B3GNT7: variants seen among roughly 807,000 people sequenced by gnomAD.
B3GNT7 encodes the protein UDP-GlcNAc:betaGal beta-1,3-N-acetylglucosaminyltransferase 7, also known as BGnT-7.
A neutral mutation model predicts 5.1 loss-of-function variants in B3GNT7; 9 were observed. The ratio of observed to expected loss-of-function variants is 1.77; its 90% CI spans 1.07 to 3.09. B3GNT7 has a LOEUF of 3.09. Ranked by LOEUF, B3GNT7 falls within the 30% of genes most tolerant of loss-of-function variation. The pLI is 0.00. For synonymous variants in B3GNT7, 253 were observed against 248.6 expected (o/e 1.02, Z -0.17); for missense variants, 468 against 550.8 (o/e 0.85, Z 1.50).
At position 231,399,141 on chromosome 2, in the gene B3GNT7, G is replaced by C; in HGVS notation, c.*216G>C. 1 of 580,426 alleles carries C rather than the reference G, an allele frequency of 1.7e-6. No individual in the cohort carries two copies. Among genetic ancestry groups the C allele is most frequent in the Non-Finnish European group, 3.0e-6 (1 of 328,248 alleles). The allele number at this position is 580,426 out of a possible 1,614,324, so 36.0% of individuals were successfully genotyped here. Reference sequence around the variant, plus strand: ...AAACTGAGGCCCAGGAACGGTTGGAGCTGCCCAGTCTGGAGGCCCTCTCTG... The same window carrying C: ...AAACTGAGGCCCAGGAACGGTTGGACCTGCCCAGTCTGGAGGCCCTCTCTG... On this transcript the variant is annotated 3_prime_UTR_variant, in exon 2 of 2. Coordinates refer to ENST00000287590, the MANE Select transcript of B3GNT7 (RefSeq NM_145236.3).
intron 1 of B3GNT7, among the ~76,000 whole-genome samples, chr2:231,396,801 C>G (rs1490737512): frequency 6.6e-6 from 1 of 151,944 alleles, no homozygotes; most frequent in Non-Finnish European, 1.5e-5. Flanking sequence ...TCCTTCAGGA[C>G]AGGGGCTCAG....
intron 1 of B3GNT7, chr2:231,397,275 G>A (rs2125612994): frequency 4.0e-6 from 4 of 989,314 alleles, no homozygotes; most frequent in Non-Finnish European, 4.8e-6. Flanking sequence ...TACTGCTGTG[G>A]GTAGGTACAC....
In B3GNT7 at chr2:231,395,933, C is replaced by T. The variant is rs1033838290; in HGVS notation, c.11+119C>T. Reference sequence around the variant, plus strand: ...GGGATAGGAGATGCCCCCGCGCGCGCCGCGCCGGCCTCAGTTTCCCGGGGG... The same window carrying T: ...GGGATAGGAGATGCCCCCGCGCGCGTCGCGCCGGCCTCAGTTTCCCGGGGG... On this transcript the variant is annotated intron_variant, in intron 1 of 1. Coordinates refer to ENST00000287590, the MANE Select transcript of B3GNT7 (RefSeq NM_145236.3). This position sits in a 1 kb window ranked among gnomAD's most constrained non-coding sequence, Gnocchi z 7.3. 368 of 663,444 alleles carry T rather than the reference C, an allele frequency of 5.5e-4. 3 individuals are homozygous for T. In the African/African-American group the frequency reaches 6.3e-3, roughly 11 times the overall value. 41.1% of individuals were successfully genotyped at this position (663,444 alleles called of 1,614,324 possible). A position where few individuals can be genotyped will look rare whatever the true frequency, so the allele number is the denominator to read the frequency against.
chr2:231,395,920 GC>G lies in B3GNT7; in HGVS notation c.11+111del. 1 of 758,142 alleles carries G rather than the reference GC, an allele frequency of 1.3e-6. No individual in the cohort carries two copies. Among genetic ancestry groups the G allele is most frequent in the Non-Finnish European group, 1.7e-6 (1 of 586,892 alleles). 47.0% of individuals were successfully genotyped at this position (758,142 alleles called of 1,614,324 possible). On this transcript the variant is annotated intron_variant, in intron 1 of 1. Transcript: ENST00000287590. This position sits in a 1 kb window ranked among gnomAD's most constrained non-coding sequence, Gnocchi z 7.3. ...CGCCGGGACTCCCGGGATAGGAGAT[GC>G]CCCCGCGCGCGCCGCGCCGGCCTCA...
At position 231,398,332 on chromosome 2, in the gene B3GNT7, C is replaced by T. The variant is rs1479181667; in HGVS notation, c.613C>T (p.Gln205Ter). ...AGACCGCCTCTACGGCGACATCCTG[C>T]AGTGGGGCTTTCTCGACACCTTCTT... ...YEDRLYGDIL[Q>*]WGFLDTFFNL... Residue 205 changes from glutamine to a stop codon, truncating the protein, a stop_gained, in exon 2 of 2, where the codon CAG becomes TAG. Transcript: ENST00000287590. LOFTEE classifies it low-confidence loss of function (END_TRUNC). 1 of 1,613,396 alleles carries T rather than the reference C, an allele frequency of 6.2e-7. No homozygotes were observed. Among genetic ancestry groups the T allele is most frequent in the Non-Finnish European group, 8.5e-7 (1 of 1,179,906 alleles).
At position 231,398,013 on chromosome 2, in the gene B3GNT7, G is replaced by C. The variant is rs746003805; in HGVS notation, c.294G>C (p.Gln98His). 6.2e-7 allele frequency: 1 copy of C among 1,610,342 alleles called. No homozygotes were observed. The highest frequency in any genetic ancestry group is 8.5e-7 in the Non-Finnish European group (1 of 1,179,874). The change falls in exon 2 of 2, where the codon CAG becomes CAC. Residue 98 changes from glutamine (Q) to histidine (H), a missense_variant. Physicochemically the swap from Gln to His is conservative, Grantham distance 24. Coordinates refer to ENST00000287590, the MANE Select transcript of B3GNT7 (RefSeq NM_145236.3). ...CAGCCAATATCAACTTGACCCACCAGCCCTGGTTCCAGGTCCTGGAGCCGC... is the reference window on the plus strand; with the variant it reads ...CAGCCAATATCAACTTGACCCACCACCCCTGGTTCCAGGTCCTGGAGCCGC... The part of the protein sequence containing the change: ...NCSANINLTH[Q>H]PWFQVLEPQF...
intron 1 of B3GNT7, chr2:231,397,419 A>T: frequency 2.5e-6 from 1 of 407,680 alleles, no homozygotes; most frequent in Non-Finnish European, 3.9e-6. Context: ...ATAGCACTCC[A>T]ATCCTGTGTT....
chr2:231,397,038 T>C (rs1250029488), intron 1 of B3GNT7: 1 of 194,046 alleles, frequency 5.2e-6, no homozygotes, highest in African/African-American at 2.4e-5. Context: ...GGCAGTGCCA[T>C]GCTAGAGGTG....
At chr2:231,396,186 C>T (rs1210663495) in intron 1 of B3GNT7, among the ~76,000 whole-genome samples, 2 of 152,080 alleles carry the variant, frequency 1.3e-5, no homozygotes, top group Non-Finnish European at 2.9e-5. Flanking sequence ...GGCCACTCTC[C>T]TCCTCTCGGG....
In B3GNT7 at chr2:231,399,763, C is replaced by G. The variant is rs1167405773; in HGVS notation, c.*838C>G. On this transcript the variant is annotated 3_prime_UTR_variant, in exon 2 of 2. Transcript: ENST00000287590. ...CGGTTTGGCCCTGGAAGTGGACATTCCTCTATTACTGTGAAGTTTTATTTA... is the reference window on the plus strand; with the variant it reads ...CGGTTTGGCCCTGGAAGTGGACATTGCTCTATTACTGTGAAGTTTTATTTA... 1 of 152,216 alleles carries G rather than the reference C, an allele frequency of 6.6e-6. No individual in the cohort carries two copies. Among genetic ancestry groups the G allele is most frequent in the Non-Finnish European group, 1.5e-5 (1 of 68,088 alleles). The allele number at this position is 152,216 out of a possible 1,614,324, so 9.4% of individuals were successfully genotyped here.
In B3GNT7 at chr2:231,398,312, G is replaced by A. The variant is rs1404927529; in HGVS notation, c.593G>A (p.Arg198His). 6.8e-6 allele frequency: 11 copies of A among 1,613,226 alleles called. No individual in the cohort carries two copies. The highest frequency in any genetic ancestry group is 1.3e-5 in the African/African-American group (1 of 74,928). Residue 198 changes from arginine (R) to histidine (H), a missense_variant, in exon 2 of 2, where the codon CGC becomes CAC. By Grantham distance (29) the Arg-to-His change is conservative. Transcript: ENST00000287590. Reference sequence around the variant, plus strand: ...CAGCAGCTGCTGGCCTACGAAGACCGCCTCTACGGCGACATCCTGCAGTGG... The same window carrying A: ...CAGCAGCTGCTGGCCTACGAAGACCACCTCTACGGCGACATCCTGCAGTGG... ...HYQQLLAYED[R>H]LYGDILQWGF...
rs777200071 is a variant in B3GNT7 at position 231,398,651 on chromosome 2, G to C, written c.932G>C (p.Arg311Pro). 4 of 1,611,922 alleles carry C rather than the reference G, an allele frequency of 2.5e-6. No individual in the cohort carries two copies. Among genetic ancestry groups the C allele is most frequent in the Non-Finnish European group, 3.4e-6 (4 of 1,179,588 alleles). Residue 311 changes from arginine to proline, a missense_variant, in exon 2 of 2, where the codon CGG (arginine) becomes CCG (proline). Physicochemically the swap from Arg to Pro is moderately radical, Grantham distance 103 (BLOSUM62 -2). Coordinates refer to ENST00000287590, the MANE Select transcript of B3GNT7 (RefSeq NM_145236.3). ...GGFLMAGSLA[R>P]RLHHACDTLE... ...TTCCTCATGGCCGGCAGCCTGGCCC[G>C]GCGCCTGCACCATGCCTGCGACACC...
In B3GNT7 at chr2:231,398,639, G is replaced by A; in HGVS notation, c.920G>A (p.Gly307Asp). 1 of 1,611,996 alleles carries A rather than the reference G, an allele frequency of 6.2e-7. No individual in the cohort carries two copies. Among genetic ancestry groups the A allele is most frequent in the Non-Finnish European group, 8.5e-7 (1 of 1,179,600 alleles). Residue 307 changes from glycine to aspartate, a missense_variant, in exon 2 of 2, where the codon GGC becomes GAC. Coordinates refer to ENST00000287590, the MANE Select transcript of B3GNT7 (RefSeq NM_145236.3). ...YAGGGGFLMAGSLARRLHHAC... is the reference protein window; with the variant it reads ...YAGGGGFLMADSLARRLHHAC... ...GGCGGCGGTGGCTTCCTCATGGCCG[G>A]CAGCCTGGCCCGGCGCCTGCACCAT...
Position 231,398,186 on chromosome 2 carries a change from C to G in B3GNT7, c.467C>G (p.Thr156Ser), listed in dbSNP as rs1334298118. The G allele has an allele frequency of 6.3e-7, 1 of 1,591,246 alleles. No individual in the cohort carries two copies. The highest frequency in any genetic ancestry group is 1.7e-5 in the Admixed American group (1 of 58,016). The change falls in exon 2 of 2, where the codon ACC becomes AGC. Residue 156 changes from threonine (T) to serine (S), a missense_variant. Physicochemically the swap from Thr to Ser is moderately conservative, Grantham distance 58. Coordinates refer to ENST00000287590, the MANE Select transcript of B3GNT7 (RefSeq NM_145236.3). ...QHDRREAIRQTWGRERQSAGG... is the reference protein window; with the variant it reads ...QHDRREAIRQSWGRERQSAGG... Reference sequence around the variant, plus strand: ...GACCGCCGCGAGGCCATCCGCCAGACCTGGGGCCGCGAGCGGCAGTCCGCG... The same window carrying G: ...GACCGCCGCGAGGCCATCCGCCAGAGCTGGGGCCGCGAGCGGCAGTCCGCG...
rs1381788232 is a variant in B3GNT7 at position 231,395,817 on chromosome 2, G to A, written c.11+3G>A. The A allele has an allele frequency of 8.6e-7, 1 of 1,168,388 alleles. No homozygotes were observed. Among genetic ancestry groups the A allele is most frequent in the African/African-American group, 1.6e-5 (1 of 61,816 alleles). The allele number at this position is 1,168,388 out of a possible 1,614,324, so 72.4% of individuals were successfully genotyped here. A position where few individuals can be genotyped will look rare whatever the true frequency, so the allele number is the denominator to read the frequency against. On this transcript the variant is annotated splice_donor_region_variant and intron_variant, in intron 1 of 1. Coordinates refer to ENST00000287590, the MANE Select transcript of B3GNT7 (RefSeq NM_145236.3). This position sits in a 1 kb window ranked among gnomAD's most constrained non-coding sequence, Gnocchi z 7.3. Reference sequence around the variant, plus strand: ...GCCCGGGCCGCCATGTCGCTGTGGTGAGTGGGGCTGGGGGCCGTCGGGGGC... The same window carrying A: ...GCCCGGGCCGCCATGTCGCTGTGGTAAGTGGGGCTGGGGGCCGTCGGGGGC...
rs2046550411 is a variant in B3GNT7 at position 231,400,032 on chromosome 2, A to G, written c.*1107A>G. On this transcript the variant is annotated 3_prime_UTR_variant, in exon 2 of 2. Transcript: ENST00000287590. ...TGGGTGCAGAAGGTTGCCACCTCCT[A>G]CCTCAGCGGGAGTCACCTAGGAAAG... is the stretch of plus-strand genomic sequence containing the variant. 7.0e-6 allele frequency: 1 copy of G among 143,614 alleles called. No homozygotes were observed. Among genetic ancestry groups the G allele is most frequent in the South Asian group, 2.2e-4 (1 of 4,578 alleles). 8.9% of individuals were successfully genotyped at this position (143,614 alleles called of 1,614,324 possible).
At position 231,399,788 on chromosome 2, in the gene B3GNT7, A is replaced by G. The variant is rs966141931; in HGVS notation, c.*863A>G. 3 of 152,018 alleles carry G rather than the reference A, an allele frequency of 2.0e-5. No individual in the cohort carries two copies. Among genetic ancestry groups the G allele is most frequent in the Non-Finnish European group, 2.9e-5 (2 of 68,032 alleles). The allele number at this position is 152,018 out of a possible 1,614,324, so 9.4% of individuals were successfully genotyped here. ...CCTCTATTACTGTGAAGTTTTATTTATGAAGAATTTGGAGGGAGAAGGCTC... is the reference window on the plus strand; with the variant it reads ...CCTCTATTACTGTGAAGTTTTATTTGTGAAGAATTTGGAGGGAGAAGGCTC... On this transcript the variant is annotated 3_prime_UTR_variant, in exon 2 of 2. Coordinates refer to ENST00000287590, the MANE Select transcript of B3GNT7 (RefSeq NM_145236.3).
rs2046531366 is a variant in B3GNT7 at position 231,398,070 on chromosome 2, C to T, written c.351C>T (p.Cys117=). 1.2e-6 allele frequency: 2 copies of T among 1,611,638 alleles called. No homozygotes were observed. Among genetic ancestry groups the T allele is most frequent in the Non-Finnish European group, 1.7e-6 (2 of 1,179,876 alleles). The change falls in exon 2 of 2, where the codon TGC becomes TGT. Residue 117 remains cysteine (C), a synonymous_variant. Transcript: ENST00000287590. ...QFRQFLFYRH[C]RYFPMLLNHP... ...GGCAGTTTCTCTTCTACCGCCACTGCCGCTACTTCCCCATGCTGCTGAACC... is the reference window on the plus strand; with the variant it reads ...GGCAGTTTCTCTTCTACCGCCACTGTCGCTACTTCCCCATGCTGCTGAACC...
At position 231,401,051 on chromosome 2, in the gene B3GNT7, C is replaced by G. The variant is rs1394520074; in HGVS notation, c.*2126C>G. On this transcript the variant is annotated 3_prime_UTR_variant, in exon 2 of 2. Coordinates refer to ENST00000287590, the MANE Select transcript of B3GNT7 (RefSeq NM_145236.3). ...CTATTATGACCCTTTCACGTGGACCCCTTAGAGTTGTAAGCTCTTAAAAGG... is the reference window on the plus strand; with the variant it reads ...CTATTATGACCCTTTCACGTGGACCGCTTAGAGTTGTAAGCTCTTAAAAGG... The G allele has an allele frequency of 6.6e-6, 1 of 152,196 alleles. No individual in the cohort carries two copies. The highest frequency in any genetic ancestry group is 1.5e-5 in the Non-Finnish European group (1 of 68,044). 9.4% of individuals were successfully genotyped at this position (152,196 alleles called of 1,614,324 possible).
Sources: allele counts gnomAD v4.1 joint callset (sites outside exome capture counted in the v4.1 genomes callset), GRCh38; gene constraint gnomAD v4.1.1; non-coding constraint Gnocchi (gnomAD v3.1); transcripts MANE v1.5; gene names NCBI Gene and HGNC (gene_info 2026-07-23, HGNC 2026-07-21).